Variants in PCDH11X observed in about 807,000 individuals in gnomAD.
PCDH11X encodes the protein protocadherin-11 X-linked.
A neutral mutation model predicts 53.3 loss-of-function variants in PCDH11X; 18 were observed. That is an observed-to-expected ratio of 0.34 (90% confidence interval 0.23 to 0.50). The LOEUF (loss-of-function observed/expected upper bound fraction) is 0.50, where lower values mean the gene tolerates loss of function less well. PCDH11X is among the 20% of genes least tolerant of loss of function. The pLI, the probability that PCDH11X is intolerant of heterozygous loss-of-function variation, is 0.98. For synonymous variants in PCDH11X, 279 were observed against 393.3 expected, an observed-to-expected ratio of 0.71 and a Z score of 3.44; for missense variants, 570 against 1,032.4, an observed-to-expected ratio of 0.55 and a Z score of 6.14.
intron 9 of PCDH11X, among the ~76,000 whole-genome samples, chrX:92,392,206 T>C (rs1395940145): frequency 3.6e-5 from 4 of 111,067 alleles, no homozygotes; most frequent in Non-Finnish European, 5.7e-5. Context: ...TTGTATACCA[T>C]AGTCATTTCT....
chrX:92,277,368 A>G (rs745851545), intron 8 of PCDH11X, among the ~76,000 whole-genome samples: 1 of 111,421 alleles, frequency 9.0e-6, no homozygotes, highest in South Asian at 3.8e-4. Context: ...AACTACTGTC[A>G]AGTTTATATT....
chrX:91,874,357 T>C (rs1939483195), intron 5 of PCDH11X, among the ~76,000 whole-genome samples: 1 of 110,428 alleles, frequency 9.1e-6, no homozygotes, highest in Non-Finnish European at 1.9e-5. Flanking sequence ...AATTTTCAAA[T>C]ATAAATACGT....
At chrX:92,091,864 C>A (rs139603869) in intron 6 of PCDH11X, among the ~76,000 whole-genome samples, 4,046 of 110,619 alleles carry the variant, frequency 0.037, 191 homozygotes, top group African/African-American at 0.13. Context: ...TAAAAGAGTG[C>A]CTGGCTCTTA....
intron 6 of PCDH11X, among the ~76,000 whole-genome samples, chrX:92,084,067 GGCAACAGA>G (rs2063907372): frequency 9.5e-6 from 1 of 105,481 alleles, no homozygotes. Context: ...CTTCAGCCTG[GGCAACAGA>G]GCAAGACTCT....
intron 1 of PCDH11X, among the ~76,000 whole-genome samples, chrX:91,788,982 G>A (rs1234872596): frequency 3.6e-5 from 4 of 110,629 alleles, no homozygotes; most frequent in Non-Finnish European, 7.6e-5. Context: ...GGCAGATCAC[G>A]AGGTCAAGAG....
At chrX:92,126,475 G>A (rs1297734106) in intron 6 of PCDH11X, among the ~76,000 whole-genome samples, 3 of 109,787 alleles carry the variant, frequency 2.7e-5, no homozygotes, top group Non-Finnish European at 5.7e-5. Context: ...TGGGTGTGGT[G>A]GCGCATGCCT....
intron 10 of PCDH11X, among the ~76,000 whole-genome samples, chrX:92,529,771 G>T (rs2074521342): frequency 9.2e-6 from 1 of 108,401 alleles, no homozygotes; most frequent in East Asian, 2.9e-4. Flanking sequence ...AAATAAAGGT[G>T]CAGTGGTCTA....
intron 10 of PCDH11X, among the ~76,000 whole-genome samples, chrX:92,581,355 G>C (rs1480979764): frequency 9.0e-6 from 1 of 111,132 alleles, no homozygotes; most frequent in Non-Finnish European, 1.9e-5. Flanking sequence ...CATGTTGTAG[G>C]AGTGACCCAG....
chrX:92,299,624 C>A (rs145992870), intron 8 of PCDH11X, among the ~76,000 whole-genome samples: 3 of 111,272 alleles, frequency 2.7e-5, no homozygotes, highest in East Asian at 5.7e-4. Context: ...ATAGTCTCTG[C>A]GGGTTTTTGT....
At chrX:92,360,217 T>C (rs1409564847) in intron 8 of PCDH11X, among the ~76,000 whole-genome samples, 1 of 111,501 alleles carries the variant, frequency 9.0e-6, no homozygotes, top group Non-Finnish European at 1.9e-5. Context: ...ACACATTGTA[T>C]ACAGTACTTT....
At chrX:92,067,501 A>C (rs2063629766) in intron 6 of PCDH11X, among the ~76,000 whole-genome samples, 1 of 111,563 alleles carries the variant, frequency 9.0e-6, no homozygotes, top group African/African-American at 3.3e-5. Context: ...TCCTTGTGAT[A>C]AATCCCACTT....
intron 8 of PCDH11X, among the ~76,000 whole-genome samples, chrX:92,329,952 G>A (rs1013120029): frequency 2.3e-4 from 25 of 110,746 alleles, no homozygotes; most frequent in African/African-American, 8.2e-4. Context: ...ATAATTTATT[G>A]CACATTTACA....
chrX:91,995,222 A>C (rs1186749868), intron 6 of PCDH11X, among the ~76,000 whole-genome samples: 3 of 107,485 alleles, frequency 2.8e-5, no homozygotes, highest in Admixed American at 9.9e-5. Flanking sequence ...CGTTAAAAAA[A>C]AAAAAACAAA....
intron 10 of PCDH11X, among the ~76,000 whole-genome samples, chrX:92,476,358 T>G (rs2073386385): frequency 9.1e-6 from 1 of 110,483 alleles, no homozygotes; most frequent in African/African-American, 3.3e-5. Context: ...AGTATGTTAA[T>G]TGCATTTTTC....
intron 5 of PCDH11X, among the ~76,000 whole-genome samples, chrX:91,874,746 CTATA>C (rs1471588005): frequency 1.1e-5 from 1 of 89,089 alleles, no homozygotes; most frequent in African/African-American, 4.2e-5. Context: ...TTGTTTAAGA[CTATA>C]TATAGGCAAT....
At chrX:92,011,213 C>T (rs1171771670) in intron 6 of PCDH11X, among the ~76,000 whole-genome samples, 1 of 111,767 alleles carries the variant, frequency 8.9e-6, no homozygotes, top group Non-Finnish European at 1.9e-5. Flanking sequence ...TATGGCAGAA[C>T]AATTTATATT....
chrX:92,563,981 G>A (rs770919305), intron 10 of PCDH11X, among the ~76,000 whole-genome samples: 1 of 109,860 alleles, frequency 9.1e-6, no homozygotes, highest in African/African-American at 3.3e-5. Flanking sequence ...ATGTCACCAG[G>A]AGACAATCTG....
chrX:92,613,474 G>A (rs7889929), intron 10 of PCDH11X, among the ~76,000 whole-genome samples: 2,062 of 109,690 alleles, frequency 0.019, 58 homozygotes, highest in African/African-American at 0.064. Flanking sequence ...CTGTTAGCCT[G>A]ATGGAGTTCG....
At chrX:92,200,365 A>T (rs2066368275) in intron 6 of PCDH11X, among the ~76,000 whole-genome samples, 1 of 111,945 alleles carries the variant, frequency 8.9e-6, no homozygotes, top group Admixed American at 9.6e-5. Flanking sequence ...AACAGTAAGG[A>T]TGTTCCTGGA....
Sources: gnomAD v4.1 joint callset for allele counts (sites outside exome capture counted in the v4.1 genomes callset) on GRCh38, gnomAD v4.1.1 for gene constraint, MANE v1.5 for transcripts, NCBI Gene and HGNC (gene_info 2026-07-23, HGNC 2026-07-21) for gene names.